The following PRKN variants were observed in gnomAD, a reference collection of about 807,000 sequenced individuals.
PRKN encodes parkin RBR E3 ubiquitin protein ligase.
Under a neutral mutation model 59.5 loss-of-function variants are expected in PRKN, and 56 were observed. That is an observed-to-expected ratio of 0.94 (90% confidence interval 0.76 to 1.18). The LOEUF (loss-of-function observed/expected upper bound fraction) is 1.18, where lower values mean the gene tolerates loss of function less well. PRKN is among the 50% of genes most tolerant of loss of function. PRKN has a pLI of 0.00. For synonymous variants in PRKN, 250 were observed against 222.1 expected (o/e 1.13, Z -1.12); for missense variants, 657 against 596.4 (o/e 1.10, Z -1.06).
intron 6 of PRKN, among the ~76,000 whole-genome samples, chr6:161,972,398 G>C (rs971362706): frequency 6.6e-6 from 1 of 152,006 alleles, no homozygotes; most frequent in Non-Finnish European, 1.5e-5. Context: ...CTGTCCATTC[G>C]GAAAGTGTAG....
intron 4 of PRKN, among the ~76,000 whole-genome samples, chr6:162,179,357 G>A (rs1192530978): frequency 6.6e-6 from 1 of 152,172 alleles, no homozygotes; most frequent in Non-Finnish European, 1.5e-5. Flanking sequence ...GGACGGTCCA[G>A]CATCTCTGTG....
At chr6:161,615,965 A>G (rs1000637473) in intron 7 of PRKN, among the ~76,000 whole-genome samples, 5 of 152,130 alleles carry the variant, frequency 3.3e-5, no homozygotes, top group Admixed American at 6.5e-5. Context: ...ATGGCCTCCA[A>G]TAGCCTGAAT....
chr6:162,591,074 C>T (rs1781286559), intron 1 of PRKN, among the ~76,000 whole-genome samples: 2 of 152,112 alleles, frequency 1.3e-5, no homozygotes, highest in African/African-American at 4.8e-5. Context: ...TCCCATCAGG[C>T]TGTGCTCAAG....
chr6:161,871,955 C>A (rs1794358878), intron 6 of PRKN, among the ~76,000 whole-genome samples: 1 of 152,170 alleles, frequency 6.6e-6, no homozygotes, highest in African/African-American at 2.4e-5. Flanking sequence ...ATAATCCTCT[C>A]ATTTAATTTT....
At chr6:162,108,179 G>A (rs373989171) in intron 4 of PRKN, among the ~76,000 whole-genome samples, 25 of 152,282 alleles carry the variant, frequency 1.6e-4, no homozygotes, top group African/African-American at 6.0e-4. Context: ...ATTATGCTTA[G>A]TGGTGGGAAT....
At chr6:162,209,928 C>T (rs913807142) in intron 3 of PRKN, among the ~76,000 whole-genome samples, 30 of 137,938 alleles carry the variant, frequency 2.2e-4, no homozygotes, top group Non-Finnish European at 3.7e-4. Flanking sequence ...GGATGCAGGG[C>T]GGGGAACATC....
chr6:161,576,572 C>T lies in PRKN; in HGVS notation c.872-7156G>A, dbSNP rs761995514. ...ACCCACTTTGTGCCAGGCACTATTA[C>T]GACACTTGGGTCGCAGCCGTGAAAA... is the stretch of plus-strand genomic sequence containing the variant. On this transcript the variant is annotated intron_variant, in intron 7 of 11. Coordinates refer to ENST00000366898, the MANE Select transcript of PRKN (RefSeq NM_004562.3). This position sits in a 1 kb window ranked among gnomAD's most constrained non-coding sequence, Gnocchi z 4.6. Among the ~76,000 whole-genome samples, 3 of 152,332 alleles carry T rather than the reference C, an allele frequency of 2.0e-5. No individual in the cohort carries two copies. The highest frequency in any genetic ancestry group is 7.2e-5 in the African/African-American group (3 of 41,582).
At chr6:162,665,725 C>T (rs1276017107) in intron 1 of PRKN, among the ~76,000 whole-genome samples, 2 of 152,240 alleles carry the variant, frequency 1.3e-5, no homozygotes, top group South Asian at 2.1e-4. Context: ...ATAGCCTAGA[C>T]AATCCTAAGC....
At chr6:161,994,554 T>C (rs990681296) in intron 5 of PRKN, among the ~76,000 whole-genome samples, 18 of 151,936 alleles carry the variant, frequency 1.2e-4, no homozygotes, top group African/African-American at 4.4e-4. Flanking sequence ...GACAACATGA[T>C]CTTATATACA....
chr6:162,292,342 A>G (rs1781473711), intron 2 of PRKN, among the ~76,000 whole-genome samples: 1 of 152,158 alleles, frequency 6.6e-6, no homozygotes, highest in African/African-American at 2.4e-5. Context: ...GCAACACCAT[A>G]AAGGAGCAGA....
rs1317443011 is a variant in PRKN at position 161,445,050 on chromosome 6, T to A, written c.1084-58173A>T. Among the ~76,000 whole-genome samples, 1 of 152,142 alleles carries A rather than the reference T, an allele frequency of 6.6e-6. No homozygotes were observed. Among genetic ancestry groups the A allele is most frequent in the Non-Finnish European group, 1.5e-5 (1 of 68,028 alleles). On this transcript the variant is annotated intron_variant, in intron 9 of 11. Coordinates refer to ENST00000366898, the MANE Select transcript of PRKN (RefSeq NM_004562.3). This position sits in a 1 kb window ranked among gnomAD's most constrained non-coding sequence, Gnocchi z 7.7. ...CCCCTGCCTACATTTTACTCTGGAT[T>A]CCAAGAGTAGACTGGGCTTCAGGGA... is the stretch of plus-strand genomic sequence containing the variant.
At chr6:161,749,873 A>G (rs1346994410) in intron 7 of PRKN, among the ~76,000 whole-genome samples, 1 of 152,170 alleles carries the variant, frequency 6.6e-6, no homozygotes, top group African/African-American at 2.4e-5. Flanking sequence ...AAGAAGTGAC[A>G]GTCAGAGTAC....
rs73782902 is a variant in PRKN, at chr6:161,439,512, G to A, written c.1084-52635C>T. Among the ~76,000 whole-genome samples, 581 of 152,316 alleles carry A rather than the reference G, an allele frequency of 3.8e-3. 8 individuals are homozygous for A. The highest frequency in any genetic ancestry group is 0.013 in the African/African-American group (553 of 41,564). Reference sequence around the variant, plus strand: ...CTGTTTACAACCCGAAGGCAGCTCCGTCTGTAATTATCTGGGCGCCATTAA... The same window carrying A: ...CTGTTTACAACCCGAAGGCAGCTCCATCTGTAATTATCTGGGCGCCATTAA... On this transcript the variant is annotated intron_variant, in intron 9 of 11. Transcript: ENST00000366898.
chr6:162,268,387 T>C (rs1200247126), intron 2 of PRKN, among the ~76,000 whole-genome samples: 1 of 152,174 alleles, frequency 6.6e-6, no homozygotes, highest in African/African-American at 2.4e-5. Context: ...TTCCAGCAAG[T>C]GAAGACACAA....
intron 1 of PRKN, among the ~76,000 whole-genome samples, chr6:162,653,638 T>C (rs548106900): frequency 2.0e-5 from 3 of 152,164 alleles, no homozygotes; most frequent in Admixed American, 1.3e-4. Context: ...ATTATTTATA[T>C]GGTTATTTAA....
At chr6:161,700,010 T>TC (rs932577086) in intron 7 of PRKN, among the ~76,000 whole-genome samples, 11 of 152,210 alleles carry the variant, frequency 7.2e-5, no homozygotes, top group African/African-American at 2.2e-4. Flanking sequence ...TTTCTAATCT[T>TC]CCTTGACCTG....
chr6:162,689,147 A>T (rs1299221857), intron 1 of PRKN, among the ~76,000 whole-genome samples: 1 of 152,236 alleles, frequency 6.6e-6, no homozygotes, highest in African/African-American at 2.4e-5. Context: ...CGTACAGAGC[A>T]CACTGCTCTC....
At chr6:161,565,494 G>A (rs915387083) in intron 8 of PRKN, among the ~76,000 whole-genome samples, 1 of 152,078 alleles carries the variant, frequency 6.6e-6, no homozygotes, top group African/African-American at 2.4e-5. Context: ...TTCCCCCCAT[G>A]GTGTTCTCGT....
chr6:161,710,000 C>T (rs1215057447), intron 7 of PRKN, among the ~76,000 whole-genome samples: 1 of 152,056 alleles, frequency 6.6e-6, no homozygotes, highest in African/African-American at 2.4e-5. Flanking sequence ...TTTCAGTGAG[C>T]TTTCTGGGTG....
Sources: gnomAD v4.1 joint callset for allele counts (sites outside exome capture counted in the v4.1 genomes callset) on GRCh38, gnomAD v4.1.1 for gene constraint, Gnocchi (gnomAD v3.1) non-coding constraint, MANE v1.5 for transcripts, NCBI Gene and HGNC (gene_info 2026-07-23, HGNC 2026-07-21) for gene names.